SEC14L1: variants seen among roughly 807,000 people sequenced by gnomAD.
The protein encoded by SEC14L1 is SEC14 like lipid binding 1, also known as SEC14-like protein 1.
Under a neutral mutation model 85.3 loss-of-function variants are expected in SEC14L1, and 48 were observed. That is an observed-to-expected ratio of 0.56 (90% CI 0.45 to 0.72). SEC14L1 has a LOEUF of 0.72. Ranked by LOEUF, SEC14L1 falls within the 30% of genes least tolerant of loss-of-function variation. SEC14L1 has a pLI of 0.00. For synonymous variants in SEC14L1, 391 were observed against 355.5 expected (o/e 1.10, Z -1.12); for missense variants, 682 against 921.4 (o/e 0.74, Z 3.36).
At chr17:77,200,328 C>T (rs1446169046) in intron 8 of SEC14L1, among the ~76,000 whole-genome samples, 156 bp from the exon 9 acceptor site, 1 of 152,050 alleles carries the variant, frequency 6.6e-6, no homozygotes, top group African/African-American at 2.4e-5. Flanking sequence ...ACCACCATGC[C>T]TGGCTGATTT....
intron 3 of SEC14L1, among the ~76,000 whole-genome samples, chr17:77,183,285 A>G (rs1398585842): frequency 6.6e-6 from 1 of 152,262 alleles, no homozygotes; most frequent in Non-Finnish European, 1.5e-5. Flanking sequence ...GTAGAAAAGT[A>G]CTGTGAACAC....
intron 3 of SEC14L1, among the ~76,000 whole-genome samples, chr17:77,100,215 T>C (rs1174434497): frequency 6.6e-6 from 1 of 152,230 alleles, no homozygotes; most frequent in East Asian, 1.9e-4. Context: ...AGATGTGGAC[T>C]GACTTCTGCC....
intron 3 of SEC14L1, among the ~76,000 whole-genome samples, chr17:77,131,924 A>G (rs1400290709): frequency 6.6e-6 from 1 of 152,194 alleles, no homozygotes; most frequent in Non-Finnish European, 1.5e-5. Context: ...TTGAAATGAA[A>G]TATTTTGGAA....
intron 3 of SEC14L1, among the ~76,000 whole-genome samples, chr17:77,118,726 T>C (rs1972233309): frequency 6.6e-6 from 1 of 152,214 alleles, no homozygotes; most frequent in South Asian, 2.1e-4. Context: ...GTTCAGATGT[T>C]CGTAGCAGGC....
rs574704303 is a variant in SEC14L1 at position 77,176,349 on chromosome 17, C to T, written c.64-14454C>T. Among the ~76,000 whole-genome samples the T allele has an allele frequency of 1.1e-4, 16 of 151,814 alleles. No homozygotes were observed. In the South Asian group the frequency reaches 2.5e-3, roughly 24 times the overall value. On this transcript the variant is annotated intron_variant, in intron 3 of 16. Transcript: ENST00000436233. ...AGGTATATGTAAAATAGGTGAAAGA[C>T]GGATCAATCAGAGGAAACTGTGCCA...
At chr17:77,135,279 T>C (rs1156754968) in intron 3 of SEC14L1, among the ~76,000 whole-genome samples, 3 of 152,126 alleles carry the variant, frequency 2.0e-5, no homozygotes, top group Admixed American at 2.0e-4. Flanking sequence ...ATTCTGCTCT[T>C]GGTTTTCTTT....
At chr17:77,153,408 A>G (rs1176270489) in intron 3 of SEC14L1, among the ~76,000 whole-genome samples, 1 of 152,176 alleles carries the variant, frequency 6.6e-6, no homozygotes, top group Non-Finnish European at 1.5e-5. Context: ...ATGGAAACTA[A>G]TAGTTAAAAC....
At chr17:77,176,502 T>G (rs548900226) in intron 3 of SEC14L1, among the ~76,000 whole-genome samples, 1 of 152,390 alleles carries the variant, frequency 6.6e-6, no homozygotes, top group South Asian at 2.1e-4. Flanking sequence ...CCTCTATCAG[T>G]ATGTTTGTTA....
upstream of SEC14L1, among the ~76,000 whole-genome samples, chr17:77,136,914 T>TC (rs1482226984): frequency 6.6e-6 from 1 of 150,656 alleles, no homozygotes; most frequent in African/African-American, 2.4e-5. Flanking sequence ...TTTCTTTCTT[T>TC]TTTTTTTTTT....
intron 3 of SEC14L1, among the ~76,000 whole-genome samples, chr17:77,108,011 T>C (rs1971956061): frequency 6.6e-6 from 1 of 152,140 alleles, no homozygotes; most frequent in Admixed American, 6.6e-5. Flanking sequence ...CCCAAAGTGT[T>C]AAAATTACAG....
At position 77,143,691 on chromosome 17, in the gene SEC14L1, G is replaced by T. The variant is rs765057500; in HGVS notation, c.63+32G>T. ...ACTTGACATTTCAATTTACTCTTTG[G>T]CTTCTTATTTATAAAGTACAGTGTT... On this transcript the variant is annotated intron_variant, in intron 3 of 16. Coordinates refer to ENST00000436233, the MANE Select transcript of SEC14L1 (RefSeq NM_001143998.2). 10 of 1,483,094 alleles carry T rather than the reference G, an allele frequency of 6.7e-6. No homozygotes were observed. The Middle Eastern group carries it at 1.4e-3, about 203-fold the overall frequency. 91.9% of individuals were successfully genotyped at this position (1,483,094 alleles called of 1,614,324 possible). A position where few individuals can be genotyped will look rare whatever the true frequency, so the allele number is the denominator to read the frequency against.
intron 3 of SEC14L1, among the ~76,000 whole-genome samples, chr17:77,114,718 C>G (rs568522668): frequency 6.6e-6 from 1 of 151,134 alleles, no homozygotes; most frequent in South Asian, 2.1e-4. Context: ...GCCTGTAGTC[C>G]CAGCTACTTG....
intron 8 of SEC14L1, among the ~76,000 whole-genome samples, chr17:77,197,167 T>C (rs1168998460): frequency 6.6e-6 from 1 of 152,242 alleles, no homozygotes; most frequent in African/African-American, 2.4e-5. Context: ...GCCACGTCAG[T>C]AGGCCACATG....
At chr17:77,141,516 T>A (rs1471105741) in intron 1 of SEC14L1, 1 of 151,950 alleles carries the variant, frequency 6.6e-6, no homozygotes. Context: ...CGGCCGCCCC[T>A]CGAGCCTGCT....
rs145794449 is a variant in SEC14L1 at position 77,197,956 on chromosome 17, G to T, written c.819+1645G>T. On this transcript the variant is annotated intron_variant, in intron 8 of 16. Coordinates refer to ENST00000436233, the MANE Select transcript of SEC14L1 (RefSeq NM_001143998.2). ...TAAATTATAACTTAGTCTGACTTAA[G>T]TAGTAAAGAATTCAAAAGTAAAGTT... Among the ~76,000 whole-genome samples, 1,281 of 152,328 alleles carry T rather than the reference G, an allele frequency of 8.4e-3. 9 individuals are homozygous for T. The highest frequency in any genetic ancestry group is 0.014 in the Non-Finnish European group (934 of 68,016).
At chr17:77,119,921 C>T (rs546165512) in intron 3 of SEC14L1, among the ~76,000 whole-genome samples, 2 of 152,348 alleles carry the variant, frequency 1.3e-5, no homozygotes, top group South Asian at 4.1e-4. Context: ...CTTCGGGAAT[C>T]TGACCTTTGG....
At chr17:77,185,995 G>A (rs1975249131) in intron 3 of SEC14L1, among the ~76,000 whole-genome samples, 1 of 152,146 alleles carries the variant, frequency 6.6e-6, no homozygotes, top group Non-Finnish European at 1.5e-5. Context: ...TAAATATAAA[G>A]AATATATTTT....
intron 2 of SEC14L1, 136 bp from the exon 3 acceptor site, chr17:77,143,431 A>G: frequency 1.8e-6 from 1 of 554,434 alleles, no homozygotes; most frequent in Non-Finnish European, 3.2e-6. Flanking sequence ...TCATCTTTTC[A>G]TTTTTGTGTG....
intron 3 of SEC14L1, among the ~76,000 whole-genome samples, chr17:77,146,644 G>A (rs1014770584): frequency 6.7e-6 from 1 of 150,216 alleles, no homozygotes; most frequent in African/African-American, 2.5e-5. Flanking sequence ...TTACTAGTTA[G>A]AAACTTTTTT....
Sources: gnomAD v4.1 joint callset for allele counts (sites outside exome capture counted in the v4.1 genomes callset) on GRCh38, gnomAD v4.1.1 for gene constraint, MANE v1.5 for transcripts, NCBI Gene and HGNC (gene_info 2026-07-23, HGNC 2026-07-21) for gene names.